Variants in SPTLC3 observed in about 807,000 individuals in gnomAD.
The protein encoded by SPTLC3 is serine palmitoyltransferase 3.
SPTLC3 carries 36 observed loss-of-function variants against 59.3 expected under a neutral mutation model. The ratio of observed to expected loss-of-function variants is 0.61; its 90% CI spans 0.47 to 0.80. SPTLC3 has a LOEUF of 0.80. Ranked by LOEUF, SPTLC3 falls within the 30% of genes least tolerant of loss-of-function variation. The pLI is 0.00. For missense variants in SPTLC3, 625 were observed against 685.1 expected (o/e 0.91, Z 0.98); for synonymous variants, 257 against 240.8 (o/e 1.07, Z -0.62).
intron 6 of SPTLC3, among the ~76,000 whole-genome samples, chr20:13,103,074 G>A (rs1989671096): frequency 6.6e-6 from 1 of 152,248 alleles, no homozygotes; most frequent in Non-Finnish European, 1.5e-5. Flanking sequence ...CATGTTTAAA[G>A]AGCCATCCAG....
At chr20:13,148,011 G>T (rs1237373842) in intron 9 of SPTLC3, among the ~76,000 whole-genome samples, 1 of 152,188 alleles carries the variant, frequency 6.6e-6, no homozygotes, top group Non-Finnish European at 1.5e-5. Flanking sequence ...TTTTGCTTAG[G>T]ATTACGGGGG....
At chr20:13,063,674 G>C (rs1167868771) in intron 2 of SPTLC3, among the ~76,000 whole-genome samples, 1 of 100,778 alleles carries the variant, frequency 9.9e-6, no homozygotes, top group East Asian at 3.1e-4. Flanking sequence ...TATTTTTTGA[G>C]ACAGGGTCTC....
rs1990132342 is a variant in SPTLC3, at chr20:13,109,976, A to T, written c.827-136A>T. The T allele has an allele frequency of 2.3e-5, 15 of 652,796 alleles. No homozygotes were observed. The South Asian group carries it at 2.6e-4, about 11-fold the overall frequency. 40.4% of individuals were successfully genotyped at this position (652,796 alleles called of 1,614,324 possible). A position where few individuals can be genotyped will look rare whatever the true frequency, so the allele number is the denominator to read the frequency against. Reference sequence around the variant, plus strand: ...AATAGACCTCTGTCTCTCTCTCCCTAAGGGTTCTCTGATTCTGAATTTGTT... The same window carrying T: ...AATAGACCTCTGTCTCTCTCTCCCTTAGGGTTCTCTGATTCTGAATTTGTT... On this transcript the variant is annotated intron_variant, in intron 6 of 11. Coordinates refer to ENST00000399002, the MANE Select transcript of SPTLC3 (RefSeq NM_018327.4).
At chr20:13,066,152 G>A (rs1447105437) in intron 2 of SPTLC3, among the ~76,000 whole-genome samples, 1 of 152,244 alleles carries the variant, frequency 6.6e-6, no homozygotes, top group African/African-American at 2.4e-5. Flanking sequence ...ACGTAAGTGA[G>A]ATCATATGCA....
rs2123026181 is a variant in SPTLC3 at position 13,167,147 on chromosome 20, A to G, written c.*2280A>G. The G allele has an allele frequency of 6.6e-6, 1 of 152,312 alleles. No homozygotes were observed. The highest frequency in any genetic ancestry group is 1.5e-5 in the Non-Finnish European group (1 of 68,032). 9.4% of individuals were successfully genotyped at this position (152,312 alleles called of 1,614,324 possible). A position where few individuals can be genotyped will look rare whatever the true frequency, so the allele number is the denominator to read the frequency against. ...CACAGGGCCAATAATATTAGAGTAT[A>G]TGTCATATAGAATAAGGTTAATTAG... On this transcript the variant is annotated 3_prime_UTR_variant, in exon 12 of 12. Transcript: ENST00000399002.
intron 9 of SPTLC3, among the ~76,000 whole-genome samples, chr20:13,135,468 G>A (rs2038220196): frequency 6.6e-6 from 1 of 152,142 alleles, no homozygotes; most frequent in Non-Finnish European, 1.5e-5. Context: ...AAGATGATCT[G>A]CTTAACCTGA....
At chr20:13,015,210 A>G (rs1985465809) in intron 1 of SPTLC3, among the ~76,000 whole-genome samples, 2 of 152,224 alleles carry the variant, frequency 1.3e-5, no homozygotes, top group South Asian at 4.1e-4. Context: ...AAAGGGATAT[A>G]TCAAGGGTAA....
At chr20:13,095,786 C>T (rs1422586415) in intron 6 of SPTLC3, among the ~76,000 whole-genome samples, 1 of 152,128 alleles carries the variant, frequency 6.6e-6, no homozygotes, top group African/African-American at 2.4e-5. Context: ...CACCAGACAC[C>T]TGCCATATTA....
At position 13,010,214 on chromosome 20, in the gene SPTLC3, C is replaced by T. The variant is rs554497208; in HGVS notation, c.117+830C>T. 8.5e-5 allele frequency among the ~76,000 whole-genome samples: 13 copies of T among 152,176 alleles called. No individual in the cohort carries two copies. In the South Asian group the frequency reaches 2.1e-3, roughly 24 times the overall value. ...TCCCGTGTCACTCTGCTCTGAGCAGCAGAAGTGAGCTCATCTGCCTGAGGA... is the reference window on the plus strand; with the variant it reads ...TCCCGTGTCACTCTGCTCTGAGCAGTAGAAGTGAGCTCATCTGCCTGAGGA... On this transcript the variant is annotated intron_variant, in intron 1 of 11. Coordinates refer to ENST00000399002, the MANE Select transcript of SPTLC3 (RefSeq NM_018327.4).
chr20:13,059,846 T>C (rs1041590077), intron 2 of SPTLC3, among the ~76,000 whole-genome samples: 1 of 152,128 alleles, frequency 6.6e-6, no homozygotes, highest in Non-Finnish European at 1.5e-5. Flanking sequence ...CCATCTTAAA[T>C]TCCATGGGCT....
chr20:13,120,655 G>A (rs370556690), intron 8 of SPTLC3, among the ~76,000 whole-genome samples: 6 of 152,198 alleles, frequency 3.9e-5, no homozygotes, highest in Middle Eastern at 3.2e-3. Context: ...GATGAGACAT[G>A]TAATGAAACA....
chr20:13,025,705 A>G (rs913208105), intron 1 of SPTLC3, among the ~76,000 whole-genome samples: 4 of 152,162 alleles, frequency 2.6e-5, no homozygotes, highest in African/African-American at 9.7e-5. Context: ...GAGGTTGCAT[A>G]TTGGTTGACC....
intron 11 of SPTLC3, among the ~76,000 whole-genome samples, chr20:13,162,308 A>T (rs1204267180): frequency 4.6e-5 from 7 of 152,252 alleles, no homozygotes; most frequent in African/African-American, 1.7e-4. Context: ...ATGAATTTGT[A>T]ATTTTGTGCT....
chr20:13,025,602 A>G (rs1263507126), intron 1 of SPTLC3, among the ~76,000 whole-genome samples: 1 of 152,150 alleles, frequency 6.6e-6, no homozygotes, highest in Non-Finnish European at 1.5e-5. Context: ...ATTCTCTACA[A>G]ATGTGCACTA....
At chr20:13,052,365 T>C (rs1353834640) in intron 2 of SPTLC3, among the ~76,000 whole-genome samples, 1 of 152,036 alleles carries the variant, frequency 6.6e-6, no homozygotes, top group Admixed American at 6.6e-5. Context: ...TTTCCCACAG[T>C]CTTCACAACC....
At chr20:13,066,096 C>T (rs1988198552) in intron 2 of SPTLC3, among the ~76,000 whole-genome samples, 2 of 152,252 alleles carry the variant, frequency 1.3e-5, no homozygotes, top group South Asian at 4.1e-4. Flanking sequence ...CTGGCAACCA[C>T]CATTCTACTC....
At chr20:13,161,756 CAG>C (rs910340659) in intron 11 of SPTLC3, among the ~76,000 whole-genome samples, 11 of 152,028 alleles carry the variant, frequency 7.2e-5, no homozygotes, top group African/African-American at 2.4e-4. Flanking sequence ...ATGAAGGGAA[CAG>C]AAATAATAAA....
chr20:13,034,657 A>G (rs2122446464), intron 1 of SPTLC3, among the ~76,000 whole-genome samples: 1 of 152,310 alleles, frequency 6.6e-6, no homozygotes, highest in Middle Eastern at 3.4e-3. Flanking sequence ...GGAAGTACAG[A>G]GACCTTCAGT....
intron 1 of SPTLC3, among the ~76,000 whole-genome samples, chr20:13,041,229 C>T (rs1343884201): frequency 6.6e-6 from 1 of 152,030 alleles, no homozygotes; most frequent in African/African-American, 2.4e-5. Flanking sequence ...TTGGTGTACT[C>T]AACGGTATCC....
Sources: allele counts gnomAD v4.1 joint callset (sites outside exome capture counted in the v4.1 genomes callset), GRCh38; gene constraint gnomAD v4.1.1; transcripts MANE v1.5; gene names NCBI Gene and HGNC (gene_info 2026-07-23, HGNC 2026-07-21).